Variants in ARMC3 observed in about 807,000 individuals in gnomAD.
ARMC3 encodes armadillo repeat-containing protein 3.
ARMC3 carries 74 observed loss-of-function variants against 90.3 expected under a neutral mutation model. That is an observed-to-expected ratio of 0.82 (90% CI 0.68 to 0.99). The LOEUF is 0.99. Among genes scored for constraint, ARMC3 ranks in the 50% least tolerant of loss-of-function variants. The pLI, the probability that ARMC3 is intolerant of heterozygous loss-of-function variation, is 0.00. For synonymous variants in ARMC3, 334 were observed against 361.8 expected, an observed-to-expected ratio of 0.92 and a Z score of 0.87; for missense variants, 958 against 1,042.8, an observed-to-expected ratio of 0.92 and a Z score of 1.12.
At position 22,959,573 on chromosome 10, in the gene ARMC3, A is replaced by G. The variant is rs1423790248; in HGVS notation, c.536A>G (p.Gln179Arg). Residue 179 changes from glutamine (Q) to arginine (R), a missense_variant and splice_region_variant, in exon 6 of 19, where the codon CAG becomes CGG. Gln to Arg is a conservative substitution (Grantham distance 43). Coordinates refer to ENST00000298032, the MANE Select transcript of ARMC3 (RefSeq NM_173081.5). Reference sequence around the variant, plus strand: ...ATGGAATGCATTTACAACTTGGTGCAGGTAAGATTAATTTCTAAAAAGCGT... The same window carrying G: ...ATGGAATGCATTTACAACTTGGTGCGGGTAAGATTAATTTCTAAAAAGCGT... ...NSMECIYNLVQDFQCRAKLQE... is the reference protein window; with the variant it reads ...NSMECIYNLVRDFQCRAKLQE... 1.3e-6 allele frequency: 2 copies of G among 1,580,668 alleles called. No homozygotes were observed. The highest frequency in any genetic ancestry group is 4.0e-5 in the Admixed American group (2 of 50,114).
At chr10:23,031,556 T>C (rs1286117299) in intron 17 of ARMC3, among the ~76,000 whole-genome samples, 1 of 152,224 alleles carries the variant, frequency 6.6e-6, no homozygotes, top group African/African-American at 2.4e-5. Context: ...GTAACACAGC[T>C]GCCAGATCAT....
chr10:22,999,130 T>C (rs72812465), intron 11 of ARMC3, among the ~76,000 whole-genome samples: 10,197 of 151,212 alleles, frequency 0.067, 519 homozygotes, highest in Non-Finnish European at 0.097. Context: ...ATGTGGGTTA[T>C]TATATGTACT....
intron 10 of ARMC3, among the ~76,000 whole-genome samples, chr10:22,992,818 G>C (rs1160430976): frequency 6.6e-6 from 1 of 152,174 alleles, no homozygotes; most frequent in Non-Finnish European, 1.5e-5. Flanking sequence ...TCCAAATCTG[G>C]CTGTGATAAC....
chr10:23,007,192 T>C (rs1212654859), intron 14 of ARMC3, among the ~76,000 whole-genome samples: 1 of 152,226 alleles, frequency 6.6e-6, no homozygotes, highest in Non-Finnish European at 1.5e-5. Flanking sequence ...CTCTCTGCTC[T>C]CTTTCTTTGA....
At chr10:22,972,395 T>C (rs191763360) in intron 8 of ARMC3, among the ~76,000 whole-genome samples, 3 of 152,310 alleles carry the variant, frequency 2.0e-5, no homozygotes, top group East Asian at 3.8e-4. Context: ...TTCTTTTTCA[T>C]GTAGACATAA....
rs373225828 is a variant in ARMC3 at position 22,962,236 on chromosome 10, T to C, written c.732+158T>C. On this transcript the variant is annotated intron_variant, in intron 7 of 18. Coordinates refer to ENST00000298032, the MANE Select transcript of ARMC3 (RefSeq NM_173081.5). Reference sequence around the variant, plus strand: ...TGGCCTGCTTAAATCAGGCTAATTGTAGACACTATTATAAACTAATTTTAA... The same window carrying C: ...TGGCCTGCTTAAATCAGGCTAATTGCAGACACTATTATAAACTAATTTTAA... 1.9e-3 allele frequency among the ~76,000 whole-genome samples: 292 copies of C among 152,332 alleles called. 10 individuals carry two copies. In the South Asian group the frequency reaches 0.059, roughly 31 times the overall value.
At chr10:23,013,877 C>T (rs1457185524) in intron 16 of ARMC3, among the ~76,000 whole-genome samples, 1 of 151,646 alleles carries the variant, frequency 6.6e-6, no homozygotes, top group African/African-American at 2.4e-5. Flanking sequence ...TCTTTATATC[C>T]GTAGAGCCTA....
At chr10:23,010,444 T>C (rs201377154) in intron 16 of ARMC3, among the ~76,000 whole-genome samples, 1 of 2,966 alleles carries the variant, frequency 3.4e-4, no homozygotes. Flanking sequence ...CCCTCCCCTC[T>C]CCTTCCTTTC....
chr10:23,012,118 A>T (rs7099925), intron 16 of ARMC3, among the ~76,000 whole-genome samples: 38,850 of 151,976 alleles, frequency 0.26, 5,796 homozygotes, highest in African/African-American at 0.41. Context: ...TATTTTTCTT[A>T]CAGCTCAATC....
chr10:22,973,753 C>CTTTTTTTTTTTTTTTTTTTTTTTTTT (rs56405413), intron 8 of ARMC3, among the ~76,000 whole-genome samples: 4 of 79,926 alleles, frequency 5.0e-5, no homozygotes, highest in Non-Finnish European at 7.0e-5. Flanking sequence ...CTTTGTCTTT[C>CTTTTTTTTTTTTTTTTTTTTTTTTTT]TTTTTTTTTT....
In ARMC3 at chr10:23,003,390, C is replaced by A; in HGVS notation, c.1707C>A (p.Asn569Lys). 1 of 1,608,872 alleles carries A rather than the reference C, an allele frequency of 6.2e-7. No individual in the cohort carries two copies. Among genetic ancestry groups the A allele is most frequent in the Non-Finnish European group, 8.5e-7 (1 of 1,177,738 alleles). Residue 569 changes from asparagine (N) to lysine (K), a missense_variant, in exon 13 of 19, where the codon AAC (asparagine) becomes AAA (lysine). Coordinates refer to ENST00000298032, the MANE Select transcript of ARMC3 (RefSeq NM_173081.5). ...ATTTGTCATCAAGTAACATAATTAA[C>A]GATGGATTCTATGATTATGGTCGGG... ...TGYLSSSNIINDGFYDYGRIN... is the reference protein window; with the variant it reads ...TGYLSSSNIIKDGFYDYGRIN...
intron 16 of ARMC3, among the ~76,000 whole-genome samples, chr10:23,028,079 G>T (rs982987181): frequency 3.3e-5 from 5 of 152,150 alleles, no homozygotes; most frequent in Non-Finnish European, 7.4e-5. Context: ...GAAGTTTGAG[G>T]CTACAGTGAG....
At chr10:22,947,004 A>AAT (rs1199095993) in intron 3 of ARMC3, among the ~76,000 whole-genome samples, 1 of 151,560 alleles carries the variant, frequency 6.6e-6, no homozygotes, top group Non-Finnish European at 1.5e-5. Flanking sequence ...TATATATAAA[A>AAT]ATATATATAT....
chr10:23,007,122 C>T lies in ARMC3; in HGVS notation c.1829+141C>T, dbSNP rs1837657278. 4 of 645,766 alleles carry T rather than the reference C, an allele frequency of 6.2e-6. No homozygotes were observed. In the East Asian group the frequency reaches 8.6e-5, roughly 14 times the overall value. The allele number at this position is 645,766 out of a possible 1,614,324, so 40.0% of individuals were successfully genotyped here. On this transcript the variant is annotated intron_variant, in intron 14 of 18. Coordinates refer to ENST00000298032, the MANE Select transcript of ARMC3 (RefSeq NM_173081.5). ...ACCTCCATGAAAATAAACACTGGCT[C>T]ATAAACTCATAGCCCGACATGGAAT...
chr10:22,986,688 C>G (rs993693935), intron 10 of ARMC3, among the ~76,000 whole-genome samples: 1 of 151,820 alleles, frequency 6.6e-6, no homozygotes. Flanking sequence ...CAATAATGGC[C>G]ATTACTTAAA....
In ARMC3 at chr10:22,980,711, A is replaced by G. The variant is rs186417567; in HGVS notation, c.917-629A>G. Among the ~76,000 whole-genome samples, 20 of 152,314 alleles carry G rather than the reference A, an allele frequency of 1.3e-4. 1 individual carries two copies. In the East Asian group the frequency reaches 3.7e-3, roughly 28 times the overall value. ...AGTTAGTGTTTTAAATGGGATGAAT[A>G]TAATGGTATGTACTTAGACATAACT... On this transcript the variant is annotated intron_variant, in intron 8 of 18. Transcript: ENST00000298032.
At chr10:22,995,967 C>T (rs761510414) in intron 10 of ARMC3, among the ~76,000 whole-genome samples, 25 of 152,042 alleles carry the variant, frequency 1.6e-4, no homozygotes, top group Non-Finnish European at 1.3e-4. Context: ...TGAACATTCT[C>T]GAGGGAAAAC....
chr10:23,006,898 C>T lies in ARMC3; in HGVS notation c.1746C>T (p.Thr582=), dbSNP rs759321885. The T allele has an allele frequency of 1.2e-6, 2 of 1,613,934 alleles. No homozygotes were observed. Among genetic ancestry groups the T allele is most frequent in the Non-Finnish European group, 1.7e-6 (2 of 1,179,964 alleles). ...TTATCTCACAGATAAATCCCGGCAC[C>T]AAACTGTTGCCTTTGAAGGAGCTCT... is the stretch of plus-strand genomic sequence containing the variant. ...FYDYGRINPG[T]KLLPLKELCL... is the part of the protein sequence containing the mutation. The change falls in exon 14 of 19, where the codon ACC becomes ACT. Residue 582 remains threonine (T), a synonymous_variant. Coordinates refer to ENST00000298032, the MANE Select transcript of ARMC3 (RefSeq NM_173081.5).
chr10:23,006,095 C>A (rs1218902549), intron 13 of ARMC3, among the ~76,000 whole-genome samples: 3 of 152,018 alleles, frequency 2.0e-5, no homozygotes, highest in African/African-American at 7.2e-5. Flanking sequence ...AAGTCCTGGG[C>A]AAATCTGGGG....
Sources: allele counts gnomAD v4.1 joint callset (sites outside exome capture counted in the v4.1 genomes callset), GRCh38; gene constraint gnomAD v4.1.1; transcripts MANE v1.5; gene names NCBI Gene and HGNC (gene_info 2026-07-23, HGNC 2026-07-21).